Variants in SMG1 observed in about 807,000 individuals in gnomAD.
The protein encoded by SMG1 is SMG1 nonsense mediated mRNA decay associated PI3K related kinase.
SMG1 carries 22 observed loss-of-function variants against 419.9 expected under a neutral mutation model. That is an observed-to-expected ratio of 0.05 (90% confidence interval 0.04 to 0.07). The LOEUF (loss-of-function observed/expected upper bound fraction) is 0.07, where lower values mean the gene tolerates loss of function less well. SMG1 is among the 10% of genes least tolerant of loss of function. SMG1 has a pLI of 1.00. For missense variants in SMG1, 3,185 were observed against 4,342.0 expected (o/e 0.73, Z 7.49); for synonymous variants, 1,538 against 1,553.5 (o/e 0.99, Z 0.23).
Position 18,833,146 on chromosome 16 carries a change from C to T in SMG1, c.8586G>A (p.Arg2862=). Reference sequence around the variant, plus strand: ...GAAGTGCTTCTGGAAATATGATTTGCCGGAAATTCGAATTCAATTCCTATA... The same window carrying T: ...GAAGTGCTTCTGGAAATATGATTTGTCGGAAATTCGAATTCAATTCCTATA... ...TSLQELNSNF[R]QIIFPEALRC... Residue 2862 remains arginine (R), a synonymous_variant, in exon 51 of 63, where the codon CGG becomes CGA. Transcript: ENST00000446231. The T allele has an allele frequency of 6.2e-7, 1 of 1,613,584 alleles. No individual in the cohort carries two copies. Among genetic ancestry groups the T allele is most frequent in the Non-Finnish European group, 8.5e-7 (1 of 1,179,738 alleles).
chr16:18,921,454 G>A (rs1262906730), intron 1 of SMG1, among the ~76,000 whole-genome samples: 1 of 151,994 alleles, frequency 6.6e-6, no homozygotes, highest in Non-Finnish European at 1.5e-5. Context: ...CTCCCCTCAA[G>A]TAAAATAGCC....
rs2031918982 is a variant in SMG1 at position 18,815,458 on chromosome 16, A to T, written c.10496T>A (p.Leu3499Gln). ...TTCTTACCTCTGACTTTGTGTTTTCAGTTCTTTCAAGGTGGGAGTGATTTC... is the reference window on the plus strand; with the variant it reads ...TTCTTACCTCTGACTTTGTGTTTTCTGTTCTTTCAAGGTGGGAGTGATTTC... Reference protein sequence around the residue: ...LQEITPTLKELKTQSQSIYNN... With the variant: ...LQEITPTLKEQKTQSQSIYNN... Residue 3499 changes from leucine (L) to glutamine (Q), a missense_variant, in exon 59 of 63, where the codon CTG becomes CAG. By Grantham distance (113) the Leu-to-Gln change is moderately radical (BLOSUM62 -2). Coordinates refer to ENST00000446231, the MANE Select transcript of SMG1 (RefSeq NM_015092.5). 1 of 1,613,970 alleles carries T rather than the reference A, an allele frequency of 6.2e-7. No homozygotes were observed. The highest frequency in any genetic ancestry group is 1.7e-5 in the Admixed American group (1 of 60,022).
At position 18,809,384 on chromosome 16, in the gene SMG1, G is replaced by T; in HGVS notation, c.*185C>A. On this transcript the variant is annotated 3_prime_UTR_variant, in exon 63 of 63. Coordinates refer to ENST00000446231, the MANE Select transcript of SMG1 (RefSeq NM_015092.5). ...GGGGTTGCAGGCCATGGTGTTGGGC[G>T]TATCCCTGAGTGCAGCTGTCCTGCG... The T allele has an allele frequency of 1.7e-6, 1 of 589,436 alleles. No homozygotes were observed. The highest frequency in any genetic ancestry group is 2.1e-5 in the South Asian group (1 of 48,446). The allele number at this position is 589,436 out of a possible 1,614,324, so 36.5% of individuals were successfully genotyped here.
intron 55 of SMG1, 139 bp from the exon 56 acceptor site, chr16:18,819,793 T>C: frequency 1.2e-6 from 1 of 852,272 alleles, no homozygotes; most frequent in South Asian, 2.3e-5. Context: ...GTTTTAACAA[T>C]CACCTTTTGG....
intron 37 of SMG1, 25 bp from the exon 38 acceptor site, chr16:18,847,632 G>A (rs2034341556): frequency 6.2e-7 from 1 of 1,613,446 alleles, no homozygotes; most frequent in South Asian, 1.1e-5. Context: ...CACCCAAATA[G>A]CTCATCTACA....
Position 18,827,472 on chromosome 16 carries a change from T to A in SMG1, c.9741+559A>T, listed in dbSNP as rs549242790. On this transcript the variant is annotated intron_variant, in intron 55 of 62. Coordinates refer to ENST00000446231, the MANE Select transcript of SMG1 (RefSeq NM_015092.5). ...TAAATATACCTATATATATATATTTTTATATATATTTGGTATAAATATACC... is the reference window on the plus strand; with the variant it reads ...TAAATATACCTATATATATATATTTATATATATATTTGGTATAAATATACC... 2.5e-4 allele frequency among the ~76,000 whole-genome samples: 37 copies of A among 145,290 alleles called. No individual in the cohort carries two copies. In the East Asian group the frequency reaches 5.7e-3, roughly 22 times the overall value.
chr16:18,866,317 T>C (rs1218588593), intron 23 of SMG1: 4 of 410,742 alleles, frequency 9.7e-6, no homozygotes, highest in African/African-American at 2.0e-5. Flanking sequence ...AAAGGGTAAT[T>C]TGTATCAGAC....
intron 6 of SMG1, among the ~76,000 whole-genome samples, chr16:18,887,539 A>G (rs1485155299): frequency 2.1e-5 from 1 of 46,860 alleles, no homozygotes; most frequent in African/African-American, 6.3e-5. Flanking sequence ...TTTTTAATAG[A>G]AACAGGGTTT....
At position 18,852,372 on chromosome 16, in the gene SMG1, G is replaced by C; in HGVS notation, c.4859C>G (p.Ala1620Gly). ...CCTATAAGCCCAGCTGGCCAACGCT[G>C]CCCAAGATTTGGCTACTTCAGGTGC... The part of the protein sequence containing the change: ...VQAPEVAKSW[A>G]ALASWAYRWG... Residue 1620 changes from alanine to glycine, a missense_variant, in exon 32 of 63, where the codon GCA (alanine) becomes GGA (glycine). Coordinates refer to ENST00000446231, the MANE Select transcript of SMG1 (RefSeq NM_015092.5). The C allele has an allele frequency of 3.1e-6, 5 of 1,613,716 alleles. No individual in the cohort carries two copies. Among genetic ancestry groups the C allele is most frequent in the African/African-American group, 1.3e-5 (1 of 74,998 alleles).
chr16:18,915,154 TA>T (rs907916953), intron 1 of SMG1, among the ~76,000 whole-genome samples: 11 of 152,056 alleles, frequency 7.2e-5, no homozygotes, highest in Non-Finnish European at 8.8e-5. Flanking sequence ...GTATATTTTT[TA>T]GTCGAGATGG....
rs761220660 is a variant in SMG1 at position 18,852,413 on chromosome 16, G to C, written c.4818C>G (p.His1606Gln). The change falls in exon 32 of 63, where the codon CAC becomes CAG. Residue 1606 changes from histidine to glutamine, a missense_variant. His to Gln is a conservative substitution (Grantham distance 24). This residue lies in a region of SMG1 where 493 missense variants were observed against 552.9 expected (regional missense o/e 0.89). Coordinates refer to ENST00000446231, the MANE Select transcript of SMG1 (RefSeq NM_015092.5). ...EPDFILGQLYHLSSVQAPEVA... is the reference protein window; with the variant it reads ...EPDFILGQLYQLSSVQAPEVA... ...CTTCAGGTGCCTGTACTGAAGACAG[G>C]TGATACAACTGTCCCAAAATGAAGT... 6.2e-7 allele frequency: 1 copy of C among 1,609,596 alleles called. No individual in the cohort carries two copies. Among genetic ancestry groups the C allele is most frequent in the Admixed American group, 1.7e-5 (1 of 59,326 alleles).
chr16:18,836,869 T>C (rs1403054716), intron 46 of SMG1, among the ~76,000 whole-genome samples: 1 of 152,210 alleles, frequency 6.6e-6, no homozygotes, highest in South Asian at 2.1e-4. Context: ...CTGCTGTGTA[T>C]AAGGTTCTTT....
Position 18,841,814 on chromosome 16 carries a change from AT to A in SMG1, c.6467-21del, listed in dbSNP as rs1347853209. ...CCAGTCCTATGAAAACAAAATTAAA[AT>A]AGCTAGGATAGGTGATTAAACAGGG... On this transcript the variant is annotated intron_variant, in intron 40 of 62. Transcript: ENST00000446231. 1 of 1,595,540 alleles carries A rather than the reference AT, an allele frequency of 6.3e-7. No homozygotes were observed. Among genetic ancestry groups the A allele is most frequent in the Admixed American group, 1.7e-5 (1 of 59,990 alleles).
intron 60 of SMG1, among the ~76,000 whole-genome samples, chr16:18,812,633 T>TATACACACACAC (rs2031553004): frequency 2.3e-5 from 3 of 132,894 alleles, no homozygotes; most frequent in African/African-American, 8.2e-5. Flanking sequence ...TATATACACA[T>TATACACACACAC]ATATATACAC....
chr16:18,831,637 T>C (rs1292870928), intron 51 of SMG1, among the ~76,000 whole-genome samples: 1 of 151,266 alleles, frequency 6.6e-6, no homozygotes, highest in Non-Finnish European at 1.5e-5. Context: ...ACGTCCATAG[T>C]CCCAGCTACT....
At chr16:18,902,228 C>G (rs983106414) in intron 1 of SMG1, among the ~76,000 whole-genome samples, 2 of 152,204 alleles carry the variant, frequency 1.3e-5, no homozygotes, top group African/African-American at 4.8e-5. Flanking sequence ...TCATTTTTCA[C>G]AACTCTACAG....
intron 22 of SMG1, 110 bp downstream of exon 22, chr16:18,868,080 T>C (rs1287058564): frequency 1.3e-6 from 1 of 781,596 alleles, no homozygotes; most frequent in Non-Finnish European, 2.1e-6. Context: ...CCTTTGAAAA[T>C]GAATCCAAGC....
At chr16:18,831,774 C>CATATATATATATAT in intron 51 of SMG1, among the ~76,000 whole-genome samples, 1 of 129,274 alleles carries the variant, frequency 7.7e-6, no homozygotes, top group African/African-American at 3.0e-5. Flanking sequence ...AAAAAAAATA[C>CATATATATATATAT]ATATATATAT....
At position 18,836,166 on chromosome 16, in the gene SMG1, A is replaced by C; in HGVS notation, c.7824T>G (p.Gly2608=). ...CGCACTGGCTAATCAAGTGGGCCTG[A>C]CCAGCATTCTGCAGAAAGGCTGTTG... ...VPATAFLQNA[G]QAHLISQCEQ... The change falls in exon 48 of 63, where the codon GGT becomes GGG. Residue 2608 remains glycine (G), a synonymous_variant. Transcript: ENST00000446231. 1 of 1,611,928 alleles carries C rather than the reference A, an allele frequency of 6.2e-7. No homozygotes were observed. The highest frequency in any genetic ancestry group is 8.5e-7 in the Non-Finnish European group (1 of 1,179,010).
Sources: gnomAD v4.1 joint callset for allele counts (sites outside exome capture counted in the v4.1 genomes callset) on GRCh38, gnomAD v4.1.1 for gene constraint, gnomAD v4.1.1 regional missense constraint, MANE v1.5 for transcripts, NCBI Gene and HGNC (gene_info 2026-07-23, HGNC 2026-07-21) for gene names.